Variants in GRID2 observed in about 807,000 individuals in gnomAD.
GRID2 encodes the protein glutamate receptor ionotropic, delta-2.
A neutral mutation model predicts 114.8 loss-of-function variants in GRID2; 33 were observed. The observed-to-expected ratio is 0.29, with a 90% CI of 0.22 to 0.38. The LOEUF is 0.38. GRID2 is among the 10% of genes least tolerant of loss of function. The pLI, the probability that GRID2 is intolerant of heterozygous loss-of-function variation, is 1.00. For synonymous variants in GRID2, 505 were observed against 449.9 expected, an observed-to-expected ratio of 1.12 and a Z score of -1.55; for missense variants, 1,184 against 1,257.7, an observed-to-expected ratio of 0.94 and a Z score of 0.89.
intron 2 of GRID2, among the ~76,000 whole-genome samples, chr4:92,990,884 G>A (rs1281482574): frequency 6.6e-6 from 1 of 152,086 alleles, no homozygotes. Flanking sequence ...AGACAAGTCT[G>A]AATGTACTTT....
At chr4:93,557,382 G>A (rs1258791057) in intron 13 of GRID2, among the ~76,000 whole-genome samples, 3 of 152,180 alleles carry the variant, frequency 2.0e-5, no homozygotes, top group African/African-American at 7.2e-5. Flanking sequence ...AAAATAAAGG[G>A]ATGGAGGAAT....
intron 8 of GRID2, among the ~76,000 whole-genome samples, chr4:93,353,729 C>G (rs779678334): frequency 6.6e-6 from 1 of 151,868 alleles, no homozygotes; most frequent in East Asian, 1.9e-4. Flanking sequence ...AAAAATCATG[C>G]GTAATACAAG....
At chr4:93,180,231 T>C (rs1308644181) in intron 4 of GRID2, among the ~76,000 whole-genome samples, 1 of 152,022 alleles carries the variant, frequency 6.6e-6, no homozygotes, top group Non-Finnish European at 1.5e-5. Context: ...CCAGAACAAA[T>C]TTTCTGGTTT....
intron 2 of GRID2, among the ~76,000 whole-genome samples, chr4:92,825,667 T>C (rs1374234278): frequency 6.6e-6 from 1 of 152,138 alleles, no homozygotes; most frequent in African/African-American, 2.4e-5. Context: ...CTAGGTTGCA[T>C]ATTATTCCCA....
chr4:92,339,802 CA>C (rs1727382177), intron 1 of GRID2, among the ~76,000 whole-genome samples: 2 of 152,172 alleles, frequency 1.3e-5, no homozygotes, highest in African/African-American at 4.8e-5. Context: ...AAGAAGTTCT[CA>C]CCAGAAGCAG....
At chr4:92,846,894 T>C (rs1366400697) in intron 2 of GRID2, among the ~76,000 whole-genome samples, 4 of 152,080 alleles carry the variant, frequency 2.6e-5, no homozygotes, top group African/African-American at 9.7e-5. Flanking sequence ...AACTCAGTCA[T>C]AGAAAGATTC....
chr4:93,650,344 A>C (rs1308388972), intron 14 of GRID2, among the ~76,000 whole-genome samples: 1 of 152,034 alleles, frequency 6.6e-6, no homozygotes, highest in Non-Finnish European at 1.5e-5. Context: ...ATATTTGGGG[A>C]ATTATATGTT....
intron 13 of GRID2, among the ~76,000 whole-genome samples, chr4:93,597,276 AG>A (rs1739202571): frequency 6.6e-6 from 1 of 152,182 alleles, no homozygotes. Context: ...CTCATGTGAT[AG>A]TAACTATTTT....
chr4:92,405,775 T>G (rs959702386), intron 1 of GRID2, among the ~76,000 whole-genome samples: 3 of 152,052 alleles, frequency 2.0e-5, no homozygotes, highest in African/African-American at 7.2e-5. Context: ...TAATGGAAAT[T>G]TAGTATCATC....
intron 13 of GRID2, among the ~76,000 whole-genome samples, chr4:93,592,268 G>A (rs369876903): frequency 1.0e-3 from 158 of 151,956 alleles, no homozygotes; most frequent in Middle Eastern, 0.01. Flanking sequence ...CTTTGTTCTC[G>A]TTGGTTTCAA....
intron 2 of GRID2, among the ~76,000 whole-genome samples, chr4:93,056,448 C>T (rs183511312): frequency 1.9e-3 from 284 of 151,858 alleles, no homozygotes; most frequent in Non-Finnish European, 2.6e-3. Flanking sequence ...ATGGATTTCA[C>T]TTTAATGCTG....
intron 1 of GRID2, among the ~76,000 whole-genome samples, chr4:92,343,305 T>G (rs1727603466): frequency 6.6e-6 from 1 of 151,562 alleles, no homozygotes; most frequent in Non-Finnish European, 1.5e-5. Flanking sequence ...CTTAGTACTA[T>G]TATTATATAT....
At chr4:92,880,096 A>G (rs1265907581) in intron 2 of GRID2, among the ~76,000 whole-genome samples, 1 of 152,224 alleles carries the variant, frequency 6.6e-6, no homozygotes, top group East Asian at 1.9e-4. Flanking sequence ...TGCAAACAGG[A>G]AATCAGGATC....
At chr4:93,580,761 T>C (rs999859545) in intron 13 of GRID2, among the ~76,000 whole-genome samples, 5 of 151,852 alleles carry the variant, frequency 3.3e-5, no homozygotes, top group Non-Finnish European at 5.9e-5. Flanking sequence ...GCATTTTTTT[T>C]TTCTTTTTTT....
downstream of GRID2, among the ~76,000 whole-genome samples, chr4:93,778,657 C>G (rs1734419912): frequency 6.6e-6 from 1 of 152,138 alleles, no homozygotes; most frequent in Non-Finnish European, 1.5e-5. Flanking sequence ...CTCAGTCTCC[C>G]AAAGTGCTGA....
At chr4:93,113,071 G>T (rs1386690199) in intron 4 of GRID2, among the ~76,000 whole-genome samples, 1 of 152,158 alleles carries the variant, frequency 6.6e-6, no homozygotes, top group Non-Finnish European at 1.5e-5. Flanking sequence ...ACCATTAGCT[G>T]TTATGAGCAA....
At chr4:92,767,622 G>T (rs1231218610) in intron 2 of GRID2, among the ~76,000 whole-genome samples, 1 of 152,062 alleles carries the variant, frequency 6.6e-6, no homozygotes, top group African/African-American at 2.4e-5. Context: ...ATGGTGGTGG[G>T]TATCTGTAAT....
chr4:93,731,148 CT>C (rs1730450226), intron 14 of GRID2, among the ~76,000 whole-genome samples: 1 of 152,156 alleles, frequency 6.6e-6, no homozygotes, highest in African/African-American at 2.4e-5. Context: ...TGTAAAAAAA[CT>C]TTGCTAAATT....
rs886880538 is a variant in GRID2 at position 93,078,512 on chromosome 4, C to T, written c.245-6483C>T. Among the ~76,000 whole-genome samples, 4 of 150,548 alleles carry T rather than the reference C, an allele frequency of 2.7e-5. No homozygotes were observed. In the East Asian group the frequency reaches 5.9e-4, roughly 22 times the overall value. On this transcript the variant is annotated intron_variant, in intron 2 of 15. Transcript: ENST00000282020. ...TATATAATATACAGGTATATATATG[C>T]ACATATATATGTGTTCTTTGAAGAA...
Sources: gnomAD v4.1 joint callset for allele counts (sites outside exome capture counted in the v4.1 genomes callset) on GRCh38, gnomAD v4.1.1 for gene constraint, MANE v1.5 for transcripts, NCBI Gene and HGNC (gene_info 2026-07-23, HGNC 2026-07-21) for gene names.